NKAIN2: variants seen among roughly 807,000 people sequenced by gnomAD.
The protein encoded by NKAIN2 is sodium/potassium transporting ATPase interacting 2, also known as sodium/potassium-transporting ATPase subunit beta-1-interacting protein 2.
NKAIN2 carries 14 observed loss-of-function variants against 32.6 expected under a neutral mutation model. The ratio of observed to expected loss-of-function variants is 0.43; its 90% confidence interval spans 0.28 to 0.67. NKAIN2 has a LOEUF of 0.67. Ranked by LOEUF, NKAIN2 falls within the 30% of genes least tolerant of loss-of-function variation. The pLI is 0.17. For missense variants in NKAIN2, 198 were observed against 258.3 expected, an observed-to-expected ratio of 0.77 and a Z score of 1.60; for synonymous variants, 80 against 87.2, an observed-to-expected ratio of 0.92 and a Z score of 0.46.
intron 1 of NKAIN2, among the ~76,000 whole-genome samples, chr6:124,271,048 T>C (rs533787523): frequency 1.0e-3 from 157 of 152,304 alleles, no homozygotes; most frequent in African/African-American, 3.1e-3. Context: ...GTTCTCATGA[T>C]AGTGAGTGAG....
intron 2 of NKAIN2, among the ~76,000 whole-genome samples, chr6:124,314,258 C>T (rs748093010): frequency 2.0e-5 from 3 of 152,132 alleles, no homozygotes; most frequent in South Asian, 2.1e-4. Flanking sequence ...AGAGATTTAC[C>T]TTACCTTTTA....
intron 3 of NKAIN2, among the ~76,000 whole-genome samples, chr6:124,401,150 T>A (rs772199121): frequency 5.8e-4 from 89 of 152,158 alleles, no homozygotes; most frequent in Non-Finnish European, 4.4e-4. Context: ...TATTTATTAT[T>A]ACCAAAAAGA....
intron 4 of NKAIN2, among the ~76,000 whole-genome samples, chr6:124,769,244 T>C (rs1451085048): frequency 3.3e-5 from 5 of 152,138 alleles, no homozygotes; most frequent in Non-Finnish European, 5.9e-5. Context: ...GACATAATGA[T>C]AAGAAAGGCT....
intron 1 of NKAIN2, among the ~76,000 whole-genome samples, chr6:124,247,536 C>T (rs1201748777): frequency 5.3e-5 from 8 of 152,052 alleles, no homozygotes; most frequent in South Asian, 4.1e-4. Flanking sequence ...TGTGAAAACG[C>T]TTAGGGATGT....
intron 3 of NKAIN2, among the ~76,000 whole-genome samples, chr6:124,655,147 T>G (rs1005545558): frequency 1.3e-5 from 2 of 152,048 alleles, no homozygotes; most frequent in African/African-American, 4.8e-5. Flanking sequence ...AATTGTTAAT[T>G]CCTCTTAAGA....
At position 124,135,059 on chromosome 6, in the gene NKAIN2, G is replaced by A. The variant is rs532150711; in HGVS notation, c.55-147946G>A. On this transcript the variant is annotated intron_variant, in intron 1 of 6. Coordinates refer to ENST00000368417, the MANE Select transcript of NKAIN2 (RefSeq NM_001040214.3). The stretch of plus-strand genomic sequence containing the variant: ...TTTGTATCCGGCAAAAGAGAGAGAA[G>A]GTCACAAACAAATGCTGAGAGAATT... 2.5e-4 allele frequency among the ~76,000 whole-genome samples: 38 copies of A among 151,922 alleles called. No individual in the cohort carries two copies. The East Asian group carries it at 7.2e-3, about 29-fold the overall frequency.
intron 1 of NKAIN2, among the ~76,000 whole-genome samples, chr6:123,849,535 G>C (rs1007387791): frequency 6.6e-6 from 1 of 152,154 alleles, no homozygotes; most frequent in Non-Finnish European, 1.5e-5. Flanking sequence ...TTAGTCATTA[G>C]CTACAGGCAG....
chr6:124,369,892 T>TTTTTTTTTTTTTTTTC (rs1799678341), intron 3 of NKAIN2, among the ~76,000 whole-genome samples: 1 of 146,068 alleles, frequency 6.8e-6, no homozygotes, highest in Non-Finnish European at 1.5e-5. Flanking sequence ...TTTTTTTTTT[T>TTTTTTTTTTTTTTTTC]TTTTTTAACC....
intron 1 of NKAIN2, among the ~76,000 whole-genome samples, chr6:124,017,749 C>T (rs116802288): frequency 0.024 from 3,652 of 152,252 alleles, 132 homozygotes; most frequent in African/African-American, 0.083. Flanking sequence ...GCAGCTCTAC[C>T]TCTGTGGCTT....
intron 6 of NKAIN2, among the ~76,000 whole-genome samples, chr6:124,821,184 A>G (rs1410968938): frequency 1.3e-5 from 2 of 151,762 alleles, no homozygotes; most frequent in African/African-American, 4.8e-5. Flanking sequence ...AATCCCAGTT[A>G]CTCGGGAGGC....
chr6:124,412,986 T>TA (rs1774281879), intron 3 of NKAIN2, among the ~76,000 whole-genome samples: 1 of 152,300 alleles, frequency 6.6e-6, no homozygotes, highest in South Asian at 2.1e-4. Flanking sequence ...GTGCAGGAGA[T>TA]AATCTCCTGG....
chr6:123,821,681 AGAGGGACAAGCGGGG>A, intron 1 of NKAIN2, among the ~76,000 whole-genome samples: 1 of 152,146 alleles, frequency 6.6e-6, no homozygotes, highest in Non-Finnish European at 1.5e-5. Flanking sequence ...GTGGGTGTGT[AGAGGGACAAGCGGGG>A]GGCCCGAGGG....
At chr6:124,075,816 G>C (rs1783672855) in intron 1 of NKAIN2, among the ~76,000 whole-genome samples, 1 of 152,088 alleles carries the variant, frequency 6.6e-6, no homozygotes, top group Non-Finnish European at 1.5e-5. Flanking sequence ...GGCTGGTCTG[G>C]AACTCCTGAC....
intron 1 of NKAIN2, among the ~76,000 whole-genome samples, chr6:124,076,079 C>T (rs1783682688): frequency 6.6e-6 from 1 of 152,210 alleles, no homozygotes; most frequent in East Asian, 1.9e-4. Flanking sequence ...TTGCAGGTGA[C>T]TGGTCTCTCT....
At chr6:124,051,441 A>G (rs146425252) in intron 1 of NKAIN2, among the ~76,000 whole-genome samples, 1 of 152,068 alleles carries the variant, frequency 6.6e-6, no homozygotes, top group East Asian at 1.9e-4. Flanking sequence ...TTTTTAAATT[A>G]TACTTTAAGT....
At chr6:124,481,606 T>C (rs945326273) in intron 3 of NKAIN2, among the ~76,000 whole-genome samples, 1 of 152,218 alleles carries the variant, frequency 6.6e-6, no homozygotes, top group Non-Finnish European at 1.5e-5. Context: ...GGAATTTAGA[T>C]GCAAAGTGTT....
intron 1 of NKAIN2, among the ~76,000 whole-genome samples, chr6:123,942,635 T>G (rs1224347201): frequency 6.6e-6 from 1 of 151,998 alleles, no homozygotes; most frequent in Non-Finnish European, 1.5e-5. Flanking sequence ...GAGCAGTACT[T>G]ATTGCTGATA....
At chr6:124,575,479 T>G (rs1046806841) in intron 3 of NKAIN2, among the ~76,000 whole-genome samples, 1 of 152,198 alleles carries the variant, frequency 6.6e-6, no homozygotes, top group African/African-American at 2.4e-5. Context: ...TTCTGAAACC[T>G]CCTTACTTTT....
At chr6:124,350,739 C>T (rs1318182078) in intron 2 of NKAIN2, among the ~76,000 whole-genome samples, 1 of 152,156 alleles carries the variant, frequency 6.6e-6, no homozygotes, top group Non-Finnish European at 1.5e-5. Flanking sequence ...TTGCTATATT[C>T]TTTATGTACA....
Sources: allele counts gnomAD v4.1 joint callset (sites outside exome capture counted in the v4.1 genomes callset), GRCh38; gene constraint gnomAD v4.1.1; transcripts MANE v1.5; gene names NCBI Gene and HGNC (gene_info 2026-07-23, HGNC 2026-07-21).